The following SYNPR variants were observed in gnomAD, a reference collection of about 807,000 sequenced individuals.
SYNPR encodes the protein synaptoporin.
Under a neutral mutation model 32.9 loss-of-function variants are expected in SYNPR, and 23 were observed. The observed-to-expected ratio is 0.70, with a 90% CI of 0.50 to 0.99. SYNPR has a LOEUF of 0.99. Ranked by LOEUF, SYNPR falls within the 50% of genes least tolerant of loss-of-function variation. SYNPR has a pLI of 0.00. For synonymous variants in SYNPR, 146 were observed against 135.9 expected (o/e 1.07, Z -0.52); for missense variants, 318 against 349.3 (o/e 0.91, Z 0.71).
chr3:63,324,892 C>A (rs1560192617), intron 2 of SYNPR, among the ~76,000 whole-genome samples: 1 of 151,980 alleles, frequency 6.6e-6, no homozygotes, highest in African/African-American at 2.4e-5. Flanking sequence ...GAGAGCACAA[C>A]AAATACCACA....
intron 2 of SYNPR, among the ~76,000 whole-genome samples, chr3:63,478,888 T>C (rs1395826840): frequency 1.3e-5 from 2 of 152,182 alleles, no homozygotes; most frequent in Non-Finnish European, 2.9e-5. Context: ...TGTTGGCTGA[T>C]GAAAACTAGA....
At chr3:63,298,585 A>T (rs547123229) in intron 2 of SYNPR, among the ~76,000 whole-genome samples, 5 of 152,260 alleles carry the variant, frequency 3.3e-5, no homozygotes, top group Admixed American at 3.3e-4. Context: ...TCTCTGCCTT[A>T]GGGACAAAAA....
At chr3:63,507,217 TA>T (rs1368792963) in intron 3 of SYNPR, among the ~76,000 whole-genome samples, 12 of 145,298 alleles carry the variant, frequency 8.3e-5, no homozygotes, top group Non-Finnish European at 1.5e-4. Context: ...AAGCGGTGCA[TA>T]AAAAGTTTAA....
At chr3:63,449,755 C>G (rs1182109346) in intron 2 of SYNPR, among the ~76,000 whole-genome samples, 1 of 152,192 alleles carries the variant, frequency 6.6e-6, no homozygotes, top group East Asian at 1.9e-4. Context: ...ATCTCTAAGT[C>G]CTTTTACTAT....
chr3:63,387,647 C>T (rs182512884), intron 2 of SYNPR, among the ~76,000 whole-genome samples: 4 of 152,296 alleles, frequency 2.6e-5, no homozygotes, highest in African/African-American at 7.2e-5. Flanking sequence ...AACACTCAGT[C>T]ATAGCTACAG....
Position 63,595,863 on chromosome 3 carries a change from A to T in SYNPR, c.409-13262A>T, listed in dbSNP as rs61110971. ...TATATAGTTTTATATATATATAGTT[A>T]TATATATATAATTTTATATATATAT... On this transcript the variant is annotated intron_variant, in intron 4 of 5. Transcript: ENST00000478300. 6.0e-3 allele frequency among the ~76,000 whole-genome samples: 504 copies of T among 83,728 alleles called. 55 individuals carry two copies. The highest frequency in any genetic ancestry group is 0.022 in the African/African-American group (435 of 20,022). The allele number at this position is 83,728 out of a possible 152,430, so 54.9% of individuals were successfully genotyped here. A position where few individuals can be genotyped will look rare whatever the true frequency, so the allele number is the denominator to read the frequency against.
At chr3:63,601,794 C>T (rs1433040549) in intron 4 of SYNPR, among the ~76,000 whole-genome samples, 1 of 152,126 alleles carries the variant, frequency 6.6e-6, no homozygotes, top group African/African-American at 2.4e-5. Context: ...AGTAAACATA[C>T]ACATACATGT....
chr3:63,548,904 T>C (rs987582954), intron 3 of SYNPR, among the ~76,000 whole-genome samples: 3 of 152,152 alleles, frequency 2.0e-5, no homozygotes, highest in African/African-American at 4.8e-5. Flanking sequence ...CCTGTTTCCT[T>C]CCACACCGGG....
At chr3:63,470,003 T>C (rs1374095354) in intron 2 of SYNPR, among the ~76,000 whole-genome samples, 1 of 152,228 alleles carries the variant, frequency 6.6e-6, no homozygotes, top group Non-Finnish European at 1.5e-5. Flanking sequence ...TCTACATTTA[T>C]GATTTTAAGA....
intron 2 of SYNPR, among the ~76,000 whole-genome samples, chr3:63,379,995 C>T (rs374517004): frequency 6.6e-6 from 1 of 152,182 alleles, no homozygotes; most frequent in Non-Finnish European, 1.5e-5. Context: ...GCTTCATCCA[C>T]GTCCCTGCAA....
intron 1 of SYNPR, among the ~76,000 whole-genome samples, chr3:63,241,133 C>A (rs2086238947): frequency 6.6e-6 from 1 of 152,102 alleles, no homozygotes; most frequent in South Asian, 2.1e-4. Context: ...GAAACAATTG[C>A]AGTCTCCCAC....
At chr3:63,438,019 A>G (rs1046065267) in intron 2 of SYNPR, among the ~76,000 whole-genome samples, 1 of 152,162 alleles carries the variant, frequency 6.6e-6, no homozygotes, top group Non-Finnish European at 1.5e-5. Context: ...TTAGCCACAT[A>G]TATTCTGTCT....
chr3:63,333,036 A>G (rs1008320650), intron 2 of SYNPR, among the ~76,000 whole-genome samples: 16 of 152,136 alleles, frequency 1.1e-4, no homozygotes, highest in Non-Finnish European at 2.2e-4. Context: ...AAAAATCATC[A>G]CTGGCTGAGA....
At chr3:63,386,938 G>T (rs187100004) in intron 2 of SYNPR, among the ~76,000 whole-genome samples, 1 of 152,332 alleles carries the variant, frequency 6.6e-6, no homozygotes, top group African/African-American at 2.4e-5. Flanking sequence ...CTTCTTTCCA[G>T]ATAATTAGGA....
intron 4 of SYNPR, among the ~76,000 whole-genome samples, chr3:63,582,414 T>A (rs1267072333): frequency 1.3e-5 from 2 of 152,094 alleles, no homozygotes; most frequent in Admixed American, 1.3e-4. Flanking sequence ...ATACCATAGA[T>A]CATATGGTGT....
intron 2 of SYNPR, among the ~76,000 whole-genome samples, chr3:63,345,112 A>C (rs1363129203): frequency 1.3e-5 from 2 of 152,248 alleles, no homozygotes; most frequent in African/African-American, 4.8e-5. Context: ...CTTGAGCAGT[A>C]AACAATGACT....
chr3:63,334,593 G>T (rs1440319312), intron 2 of SYNPR, among the ~76,000 whole-genome samples: 1 of 151,622 alleles, frequency 6.6e-6, no homozygotes, highest in African/African-American at 2.4e-5. Context: ...GGTGATTAGA[G>T]ACCACTTCAC....
intron 3 of SYNPR, among the ~76,000 whole-genome samples, chr3:63,493,293 G>T (rs974044105): frequency 1.3e-5 from 2 of 152,068 alleles, no homozygotes; most frequent in African/African-American, 2.4e-5. Flanking sequence ...TATTCAAACT[G>T]ACTCGCTAGT....
chr3:63,443,316 T>A, intron 2 of SYNPR: 1 of 1,496,984 alleles, frequency 6.7e-7, no homozygotes, highest in Non-Finnish European at 8.9e-7. Context: ...GATTTTCTTC[T>A]TCTCCTCCTT....
Sources: allele counts gnomAD v4.1 joint callset (sites outside exome capture counted in the v4.1 genomes callset), GRCh38; gene constraint gnomAD v4.1.1; transcripts MANE v1.5; gene names NCBI Gene and HGNC (gene_info 2026-07-23, HGNC 2026-07-21).